Variants in VLDLR observed in about 807,000 individuals in gnomAD.
VLDLR encodes very low-density lipoprotein receptor.
Under a neutral mutation model 112.7 loss-of-function variants are expected in VLDLR, and 81 were observed. The observed-to-expected ratio is 0.72, with a 90% CI of 0.60 to 0.86. VLDLR has a LOEUF of 0.86. Ranked by LOEUF, VLDLR falls within the 40% of genes least tolerant of loss-of-function variation. VLDLR has a pLI of 0.00. For synonymous variants in VLDLR, 436 were observed against 384.8 expected (o/e 1.13, Z -1.56); for missense variants, 1,237 against 1,099.4 (o/e 1.13, Z -1.77).
chr9:2,642,973 TTG>T (rs1225111299), intron 4 of VLDLR, among the ~76,000 whole-genome samples, 185 bp from the exon 5 acceptor site: 1 of 152,224 alleles, frequency 6.6e-6, no homozygotes, highest in Admixed American at 6.5e-5. Flanking sequence ...TTCTTATTTA[TTG>T]TGTGCCTTCA....
chr9:2,647,799 C>T, intron 12 of VLDLR: 1 of 647,996 alleles, frequency 1.5e-6, no homozygotes, highest in East Asian at 2.8e-5. Flanking sequence ...TGTTGTCCAG[C>T]TGGGCCTAAT....
At chr9:2,637,521 C>G in intron 2 of VLDLR, among the ~76,000 whole-genome samples, 1 of 152,216 alleles carries the variant, frequency 6.6e-6, no homozygotes, top group Non-Finnish European at 1.5e-5. Flanking sequence ...TTTCTTTACC[C>G]TCCCAGTCTA....
chr9:2,635,713 A>C, intron 2 of VLDLR, 141 bp downstream of exon 2: 1 of 1,331,608 alleles, frequency 7.5e-7, no homozygotes. Context: ...GTAAAGGAAT[A>C]AAATTGAATG....
rs1191355507 is a variant in VLDLR, at chr9:2,639,873, G to A, written c.217G>A (p.Ala73Thr). ...AACGTTTGTAGTAAAGAAGACGTGTGCTGAATCTGACTTCGTGTGCAACAA... is the reference window on the plus strand; with the variant it reads ...AACGTTTGTAGTAAAGAAGACGTGTACTGAATCTGACTTCGTGTGCAACAA... ...DEKNCVKKTC[A>T]ESDFVCNNGQ... The change falls in exon 3 of 19, where the codon GCT (alanine) becomes ACT (threonine). Residue 73 changes from alanine (A) to threonine (T), a missense_variant. Transcript: ENST00000382100. 6.2e-7 allele frequency: 1 copy of A among 1,614,114 alleles called. No individual in the cohort carries two copies. The highest frequency in any genetic ancestry group is 1.3e-5 in the African/African-American group (1 of 75,016).
At position 2,645,759 on chromosome 9, in the gene VLDLR, C is replaced by T. The variant is rs1225124715; in HGVS notation, c.1484+14C>T. 1.9e-6 allele frequency: 3 copies of T among 1,613,992 alleles called. No individual in the cohort carries two copies. Among genetic ancestry groups the T allele is most frequent in the African/African-American group, 1.3e-5 (1 of 75,010 alleles). On this transcript the variant is annotated intron_variant, in intron 10 of 18. Transcript: ENST00000382100. ...GGCTATCTTCAGGTAACTTTCAGTT[C>T]CTTTTGTGGTGTCTTGACATAAGTC...
intron 11 of VLDLR, among the ~76,000 whole-genome samples, chr9:2,647,052 C>T (rs970432931): frequency 6.6e-6 from 1 of 152,138 alleles, no homozygotes; most frequent in Non-Finnish European, 1.5e-5. Flanking sequence ...TAAATTGCCA[C>T]TAAGTAACAT....
At chr9:2,652,731 G>A (rs1818408601) in intron 17 of VLDLR, 49 bp from the exon 18 acceptor site, 1 of 1,607,780 alleles carries the variant, frequency 6.2e-7, no homozygotes, top group African/African-American at 1.3e-5. Context: ...TTTCTTGTAT[G>A]TTCCAATACT....
chr9:2,622,935 G>A (rs1353156937), intron 1 of VLDLR, among the ~76,000 whole-genome samples: 2 of 152,130 alleles, frequency 1.3e-5, no homozygotes, highest in Non-Finnish European at 2.9e-5. Context: ...TCTGCTCTGG[G>A]CGCTTCTCCT....
chr9:2,651,759 T>C lies in VLDLR; in HGVS notation c.2336-115T>C, dbSNP rs1007094050. 3.5e-6 allele frequency: 4 copies of C among 1,151,418 alleles called. No homozygotes were observed. In the Admixed American group the frequency reaches 7.4e-5, roughly 21 times the overall value. The allele number at this position is 1,151,418 out of a possible 1,614,324, so 71.3% of individuals were successfully genotyped here. Reference sequence around the variant, plus strand: ...CAGAGTTGTTCCTGGTGTTCAATTGTTGTAGATACTGAACATCAATATTGG... The same window carrying C: ...CAGAGTTGTTCCTGGTGTTCAATTGCTGTAGATACTGAACATCAATATTGG... On this transcript the variant is annotated intron_variant, in intron 16 of 18. Coordinates refer to ENST00000382100, the MANE Select transcript of VLDLR (RefSeq NM_003383.5).
At position 2,650,412 on chromosome 9, in the gene VLDLR, A is replaced by C. The variant is rs1483707156; in HGVS notation, c.2147A>C (p.Glu716Ala). The change falls in exon 15 of 19, where the codon GAA (glutamate) becomes GCA (alanine). Residue 716 changes from glutamate to alanine, a missense_variant. Transcript: ENST00000382100. The stretch of plus-strand genomic sequence containing the variant: ...GAAGACATGGAGAATGGAGGATGTG[A>C]ATACCTATGCCTGCCAGCACCACAG... ...CEEDMENGGC[E>A]YLCLPAPQIN... The C allele has an allele frequency of 6.2e-7, 1 of 1,613,980 alleles. No homozygotes were observed. Among genetic ancestry groups the C allele is most frequent in the Non-Finnish European group, 8.5e-7 (1 of 1,180,012 alleles).
chr9:2,641,535 A>T (rs1316098948), intron 4 of VLDLR, 36 bp downstream of exon 4: 2 of 1,613,252 alleles, frequency 1.2e-6, no homozygotes, highest in Non-Finnish European at 1.7e-6. Flanking sequence ...TAACCCAAAG[A>T]CCCTTTTCCT....
chr9:2,648,178 T>G (rs780639206), intron 12 of VLDLR, 30 bp from the exon 13 acceptor site: 1 of 1,613,338 alleles, frequency 6.2e-7, no homozygotes, highest in Non-Finnish European at 8.5e-7. Context: ...TAGTGGCTTG[T>G]CATGTAATGA....
chr9:2,651,354 C>A, intron 15 of VLDLR, 61 bp from the exon 16 acceptor site: 2 of 1,471,434 alleles, frequency 1.4e-6, no homozygotes, highest in Non-Finnish European at 1.9e-6. Context: ...CTTGTCTGGA[C>A]AAAACAGCTA....
intron 15 of VLDLR, among the ~76,000 whole-genome samples, chr9:2,650,823 A>G (rs943137388): frequency 4.6e-5 from 7 of 152,204 alleles, no homozygotes; most frequent in African/African-American, 1.7e-4. Context: ...TTTTCCTCAA[A>G]AGGAGGAGGA....
In VLDLR at chr9:2,622,161, G is replaced by GCGT. The variant is rs2130747455; in HGVS notation, c.-27_-26insTCG. 1 of 1,475,436 alleles carries GCGT rather than the reference G, an allele frequency of 6.8e-7. No individual in the cohort carries two copies. Among genetic ancestry groups the GCGT allele is most frequent in the South Asian group, 1.3e-5 (1 of 76,468 alleles). 91.4% of individuals were successfully genotyped at this position (1,475,436 alleles called of 1,614,324 possible). A position where few individuals can be genotyped will look rare whatever the true frequency, so the allele number is the denominator to read the frequency against. On this transcript the variant is annotated 5_prime_UTR_variant, in exon 1 of 19. Transcript: ENST00000382100. ...TGCGGAGCGAACGGCGGCGGCGGCG[G>GCGT]CGGCGGCGGCACCATCCAGGCGGGC...
chr9:2,631,205 C>T (rs1817335459), intron 1 of VLDLR, among the ~76,000 whole-genome samples: 1 of 152,146 alleles, frequency 6.6e-6, no homozygotes. Context: ...AAGTCTTATA[C>T]ACTGCTGGTG....
chr9:2,636,101 C>G (rs1586643109), intron 2 of VLDLR, among the ~76,000 whole-genome samples: 1 of 152,178 alleles, frequency 6.6e-6, no homozygotes, highest in Non-Finnish European at 1.5e-5. Flanking sequence ...AAGACATTCT[C>G]TCCCCAAGAG....
chr9:2,648,873 G>A, intron 14 of VLDLR, 63 bp downstream of exon 14: 1 of 1,607,040 alleles, frequency 6.2e-7, no homozygotes, highest in Admixed American at 1.7e-5. Context: ...CACAGAACCT[G>A]CTGGATGTCA....
chr9:2,657,907 A>G lies in VLDLR; in HGVS notation c.*4039A>G, dbSNP rs1348257463. Reference sequence around the variant, plus strand: ...AAACTACTCGAGTAAATATCCTAACAAGTATGATTTTTCTTGGGAAAACTA... The same window carrying G: ...AAACTACTCGAGTAAATATCCTAACGAGTATGATTTTTCTTGGGAAAACTA... On this transcript the variant is annotated 3_prime_UTR_variant, in exon 19 of 19. Transcript: ENST00000382100. 6.6e-6 allele frequency: 1 copy of G among 152,204 alleles called. No individual in the cohort carries two copies. Among genetic ancestry groups the G allele is most frequent in the Non-Finnish European group, 1.5e-5 (1 of 68,034 alleles). 9.4% of individuals were successfully genotyped at this position (152,204 alleles called of 1,614,324 possible).
Sources: gnomAD v4.1 joint callset for allele counts (sites outside exome capture counted in the v4.1 genomes callset) on GRCh38, gnomAD v4.1.1 for gene constraint, MANE v1.5 for transcripts, NCBI Gene and HGNC (gene_info 2026-07-23, HGNC 2026-07-21) for gene names.